Variants in ACBD6 observed in about 807,000 individuals in gnomAD.
ACBD6 encodes the protein acyl-CoA binding domain containing 6.
ACBD6 carries 28 observed loss-of-function variants against 37.2 expected under a neutral mutation model. That is an observed-to-expected ratio of 0.75 (90% CI 0.56 to 1.03). The LOEUF (loss-of-function observed/expected upper bound fraction) is 1.03. Ranked by LOEUF, ACBD6 falls within the 50% of genes least tolerant of loss-of-function variation. ACBD6 has a pLI of 0.00. For missense variants in ACBD6, 340 were observed against 337.4 expected, an observed-to-expected ratio of 1.01 and a Z score of -0.06; for synonymous variants, 113 against 126.8, an observed-to-expected ratio of 0.89 and a Z score of 0.73.
intron 6 of ACBD6, among the ~76,000 whole-genome samples, chr1:180,366,784 C>A (rs1218183883): frequency 6.6e-6 from 1 of 152,100 alleles, no homozygotes; most frequent in Non-Finnish European, 1.5e-5. Context: ...ATATGAATTT[C>A]ATTATATATA....
At chr1:180,306,522 A>G (rs1650383855) in intron 7 of ACBD6, among the ~76,000 whole-genome samples, 2 of 152,106 alleles carry the variant, frequency 1.3e-5, no homozygotes, top group African/African-American at 2.4e-5. Flanking sequence ...GCTAGAGAGA[A>G]GTTTTTCCCA....
At chr1:180,382,684 G>C (rs1422444443) in intron 6 of ACBD6, among the ~76,000 whole-genome samples, 1 of 152,018 alleles carries the variant, frequency 6.6e-6, no homozygotes, top group East Asian at 1.9e-4. Context: ...AAAGAGGAAG[G>C]CATTCCCCCT....
intron 6 of ACBD6, among the ~76,000 whole-genome samples, chr1:180,341,547 G>A (rs915724295): frequency 6.6e-6 from 1 of 151,886 alleles, no homozygotes; most frequent in Non-Finnish European, 1.5e-5. Context: ...TAAATATGCT[G>A]CTATCTCTCC....
intron 6 of ACBD6, among the ~76,000 whole-genome samples, chr1:180,388,036 C>A (rs6680668): frequency 6.6e-6 from 1 of 151,624 alleles, no homozygotes; most frequent in Non-Finnish European, 1.5e-5. Context: ...ATTAGCCGGG[C>A]GTGATGGTGG....
chr1:180,474,466 C>T (rs1225014999), intron 3 of ACBD6, among the ~76,000 whole-genome samples: 1 of 150,840 alleles, frequency 6.6e-6, no homozygotes, highest in African/African-American at 2.4e-5. Context: ...AAAAAAAAAT[C>T]TTCTAAAATG....
intron 6 of ACBD6, among the ~76,000 whole-genome samples, chr1:180,371,120 C>T (rs560978215): frequency 4.9e-4 from 75 of 151,816 alleles, no homozygotes; most frequent in African/African-American, 1.7e-3. Flanking sequence ...TGAATCTTGA[C>T]TGTATAGTAG....
At chr1:180,451,725 G>GC (rs1557876518) in intron 3 of ACBD6, among the ~76,000 whole-genome samples, 1 of 152,190 alleles carries the variant, frequency 6.6e-6, no homozygotes, top group Non-Finnish European at 1.5e-5. Context: ...GAAATGAGGA[G>GC]ACTGAAACTA....
chr1:180,304,470 G>A (rs545132519), intron 7 of ACBD6, among the ~76,000 whole-genome samples: 8 of 149,982 alleles, frequency 5.3e-5, no homozygotes, highest in South Asian at 2.1e-4. Flanking sequence ...ATAACAGACA[G>A]AGAGCCAAAT....
At chr1:180,320,007 T>TG (rs1352112763) in intron 6 of ACBD6, among the ~76,000 whole-genome samples, 1 of 152,216 alleles carries the variant, frequency 6.6e-6, no homozygotes, top group Non-Finnish European at 1.5e-5. Flanking sequence ...TTCCTTTCTT[T>TG]GGGGTATATA....
At chr1:180,478,403 T>C (rs1047005635) in intron 3 of ACBD6, among the ~76,000 whole-genome samples, 14 of 152,166 alleles carry the variant, frequency 9.2e-5, no homozygotes, top group Non-Finnish European at 1.8e-4. Context: ...ATTCAATTTA[T>C]AATACTTAGA....
chr1:180,283,189 A>G lies in ACBD6; in HGVS notation c.*94-1803T>C, dbSNP rs544826144. On this transcript the variant is annotated intron_variant, in intron 8 of 13. Coordinates refer to the ACBD6 transcript ENST00000642319. ...TGTCCATCAACTGAACTTACCTTCT[A>G]AATATTAAAATGGAAACCGAGATTG... 2.8e-4 allele frequency among the ~76,000 whole-genome samples: 43 copies of G among 152,258 alleles called. 1 individual carries two copies. The South Asian group carries it at 4.6e-3, about 16-fold the overall frequency.
intron 9 of ACBD6, among the ~76,000 whole-genome samples, chr1:180,279,195 C>CTAAT (rs1166225230): frequency 6.6e-6 from 1 of 152,202 alleles, no homozygotes; most frequent in Admixed American, 6.5e-5. Flanking sequence ...CCTGGTTTTT[C>CTAAT]TAATAGTCAT....
intron 3 of ACBD6, among the ~76,000 whole-genome samples, chr1:180,462,036 G>C (rs902347461): frequency 2.2e-4 from 34 of 152,280 alleles, no homozygotes; most frequent in African/African-American, 8.2e-4. Context: ...AGGAATTTGA[G>C]ACCAGCCTGG....
chr1:180,382,241 A>G (rs1369782408), intron 6 of ACBD6, among the ~76,000 whole-genome samples: 2 of 152,022 alleles, frequency 1.3e-5, no homozygotes, highest in Non-Finnish European at 2.9e-5. Flanking sequence ...AAAACCCAAA[A>G]CCAAAGAATC....
chr1:180,277,479 C>G (rs1010467831), intron 9 of ACBD6: 1 of 152,120 alleles, frequency 6.6e-6, no homozygotes, highest in African/African-American at 2.4e-5. Context: ...GCTCTTGAAT[C>G]CAGGAGCAAA....
intron 3 of ACBD6, chr1:180,434,735 G>A (rs1054292413): frequency 1.8e-6 from 1 of 546,914 alleles, no homozygotes; most frequent in Admixed American, 2.9e-5. Context: ...ACTAGGAATA[G>A]AGTAAAACTA....
At chr1:180,443,018 C>T (rs1303834608) in intron 3 of ACBD6, among the ~76,000 whole-genome samples, 1 of 151,742 alleles carries the variant, frequency 6.6e-6, no homozygotes, top group Non-Finnish European at 1.5e-5. Flanking sequence ...TCCTTTTTGG[C>T]AAGCTTTAAA....
intron 1 of ACBD6, among the ~76,000 whole-genome samples, chr1:180,498,690 T>C (rs1183217048): frequency 6.6e-6 from 1 of 152,038 alleles, no homozygotes; most frequent in South Asian, 2.1e-4. Flanking sequence ...AAACCCCATC[T>C]CTACTAAAAA....
intron 9 of ACBD6, among the ~76,000 whole-genome samples, chr1:180,280,167 A>C (rs1321368369): frequency 6.6e-6 from 1 of 152,176 alleles, no homozygotes; most frequent in African/African-American, 2.4e-5. Context: ...GTGCTCATAG[A>C]GTCTTGTTAG....
Sources: allele counts gnomAD v4.1 joint callset (sites outside exome capture counted in the v4.1 genomes callset), GRCh38; gene constraint gnomAD v4.1.1; transcripts MANE v1.5; gene names NCBI Gene and HGNC (gene_info 2026-07-23, HGNC 2026-07-21).